Variants in RDX observed in about 807,000 individuals in gnomAD.
RDX encodes the protein radixin.
A neutral mutation model predicts 83.7 loss-of-function variants in RDX; 32 were observed. That is an observed-to-expected ratio of 0.38 (90% confidence interval 0.29 to 0.51). The LOEUF (loss-of-function observed/expected upper bound fraction) is 0.51. RDX is among the 20% of genes least tolerant of loss of function. The pLI is 0.87. For missense variants in RDX, 600 were observed against 689.9 expected, an observed-to-expected ratio of 0.87 and a Z score of 1.46; for synonymous variants, 229 against 222.7, an observed-to-expected ratio of 1.03 and a Z score of -0.25.
chr11:110,196,341 G>T (rs904737422), intron 15 of RDX, among the ~76,000 whole-genome samples: 1 of 152,188 alleles, frequency 6.6e-6, no homozygotes, highest in Non-Finnish European at 1.5e-5. Context: ...AAGGGGAATG[G>T]AATGCCAGTG....
At chr11:110,222,790 A>G (rs1297451746) in intron 14 of RDX, among the ~76,000 whole-genome samples, 1 of 151,954 alleles carries the variant, frequency 6.6e-6, no homozygotes, top group East Asian at 1.9e-4. Context: ...ACAGAGCCAG[A>G]CTCCCAACTC....
intron 8 of RDX, 24 bp downstream of exon 8, chr11:110,255,265 C>G: frequency 1.6e-6 from 2 of 1,238,052 alleles, no homozygotes; most frequent in Non-Finnish European, 2.4e-6. Context: ...AGTTAATACA[C>G]AAAATATTAA....
At chr11:110,193,427 T>C (rs1389141427) in intron 15 of RDX, among the ~76,000 whole-genome samples, 1 of 152,130 alleles carries the variant, frequency 6.6e-6, no homozygotes, top group Non-Finnish European at 1.5e-5. Context: ...GTATGCTCAC[T>C]ACCCGGGTGA....
At chr11:110,198,848 C>T (rs1863295422) in intron 15 of RDX, among the ~76,000 whole-genome samples, 1 of 150,808 alleles carries the variant, frequency 6.6e-6, no homozygotes, top group East Asian at 2.0e-4. Flanking sequence ...GACGGAGTCT[C>T]GCTGTCATCC....
intron 2 of RDX, among the ~76,000 whole-genome samples, chr11:110,277,204 A>G (rs78877811): frequency 0.03 from 4,574 of 152,308 alleles, 131 homozygotes; most frequent in East Asian, 0.075. Flanking sequence ...TATACTGGCA[A>G]AGAGTTTTCC....
chr11:110,179,104 G>T (rs1862832046), intron 15 of RDX, among the ~76,000 whole-genome samples: 1 of 152,188 alleles, frequency 6.6e-6, no homozygotes, highest in African/African-American at 2.4e-5. Context: ...TCAGCCAGGG[G>T]GAAGCTGCCG....
chr11:110,247,749 CATTAGCTCTTCCTTTTCACG>C lies in RDX; in HGVS notation c.1024_1043del (p.Arg342GlyfsTer7). ...GCTCTTCAATTTGTTTTAGACGTTC[CATTAGCTCTTCCTTTTCACG>C]TTCTATTCTTTCCTTTTCCTTTTCT... is the stretch of plus-strand genomic sequence containing the variant. On this transcript the variant is annotated frameshift_variant, in exon 10 of 14. Transcript: ENST00000645495. LOFTEE classifies it high-confidence loss of function. 6.2e-7 allele frequency: 1 copy of C among 1,612,036 alleles called. No individual in the cohort carries two copies. The highest frequency in any genetic ancestry group is 8.5e-7 in the Non-Finnish European group (1 of 1,179,326).
At chr11:110,175,570 G>T (rs1297942805) in intron 15 of RDX, among the ~76,000 whole-genome samples, 5 of 152,246 alleles carry the variant, frequency 3.3e-5, no homozygotes, top group Non-Finnish European at 7.3e-5. Flanking sequence ...CCAGAGGTCT[G>T]GGTGGGTGGG....
rs115151525 is a variant in RDX at position 110,183,562 on chromosome 11, G to A, written c.*32-8328C>T. Among the ~76,000 whole-genome samples the A allele has an allele frequency of 6.0e-3, 916 of 152,284 alleles. 10 individuals carry two copies. The highest frequency in any genetic ancestry group is 0.02 in the African/African-American group (823 of 41,560). Reference sequence around the variant, plus strand: ...AGGTCCCCAACTCCTAGTCTCAAGCGATCCTTCTGCCTCTGCCTCCCAAAG... The same window carrying A: ...AGGTCCCCAACTCCTAGTCTCAAGCAATCCTTCTGCCTCTGCCTCCCAAAG... On this transcript the variant is annotated intron_variant, in intron 15 of 15. Transcript: ENST00000528498.
chr11:110,296,440 G>A lies in RDX; in HGVS notation c.-65+27C>T, dbSNP rs1044063571. On this transcript the variant is annotated intron_variant, in intron 1 of 13. Transcript: ENST00000645495. ...TCCGGAGGAACCGGGAGCGGGGAGT[G>A]GGGGAAGGGAGGGCGCCGCGCCTTA... The A allele has an allele frequency of 1.5e-4, 22 of 151,528 alleles. 1 individual carries two copies. Among genetic ancestry groups the A allele is most frequent in the Admixed American group, 1.3e-3 (20 of 15,202 alleles). The allele number at this position is 151,528 out of a possible 1,614,324, so 9.4% of individuals were successfully genotyped here. A position where few individuals can be genotyped will look rare whatever the true frequency, so the allele number is the denominator to read the frequency against.
rs370290414 is a variant in RDX at position 110,248,280 on chromosome 11, T to C, written c.960-447A>G. Among the ~76,000 whole-genome samples the C allele has an allele frequency of 1.2e-4, 19 of 152,216 alleles. 1 individual carries two copies. In the East Asian group the frequency reaches 3.7e-3, roughly 29 times the overall value. Reference sequence around the variant, plus strand: ...TAGTATTCATGTGAAACCTAAGAACTGAATCAACTAAGAAGAAATGACAAC... The same window carrying C: ...TAGTATTCATGTGAAACCTAAGAACCGAATCAACTAAGAAGAAATGACAAC... On this transcript the variant is annotated intron_variant, in intron 9 of 13. Coordinates refer to ENST00000645495, the MANE Select transcript of RDX (RefSeq NM_002906.4).
At chr11:110,219,448 G>A (rs1014365801) in intron 14 of RDX, among the ~76,000 whole-genome samples, 11 of 152,220 alleles carry the variant, frequency 7.2e-5, no homozygotes, top group African/African-American at 2.2e-4. Flanking sequence ...CTTACCTGTT[G>A]TAAGATCTTA....
chr11:110,216,557 A>T (rs372771954), intron 14 of RDX, among the ~76,000 whole-genome samples: 7 of 111,414 alleles, frequency 6.3e-5, no homozygotes, highest in Admixed American at 1.8e-4. Context: ...TTTTTTTTTT[A>T]AATAGAGAGG....
rs1591177437 is a variant in RDX at position 110,275,662 on chromosome 11, T to C, written c.13-3043A>G. 2.0e-5 allele frequency among the ~76,000 whole-genome samples: 3 copies of C among 152,270 alleles called. No individual in the cohort carries two copies. In the East Asian group the frequency reaches 5.8e-4, roughly 29 times the overall value. ...GTCAGTTATTTCTTACAAAAGAACC[T>C]CCCATATTGTGGTTCGTCATTTTAC... On this transcript the variant is annotated intron_variant, in intron 2 of 13. Transcript: ENST00000645495.
rs1297188705 is a variant in RDX, at chr11:110,177,771, A to G, written c.*32-2537T>C. Among the ~76,000 whole-genome samples, 3 of 151,700 alleles carry G rather than the reference A, an allele frequency of 2.0e-5. No individual in the cohort carries two copies. The East Asian group carries it at 5.8e-4, about 29-fold the overall frequency. On this transcript the variant is annotated intron_variant, in intron 15 of 15. Coordinates refer to the RDX transcript ENST00000528498. ...AGTGCTGGGATTACAGGCATGAGAC[A>G]CCGCATCCGGCCTGGGAGCTCTTGT... is the stretch of plus-strand genomic sequence containing the variant.
Position 110,286,435 on chromosome 11 carries a change from C to T in RDX, c.-64-6679G>A, listed in dbSNP as rs991745255. Among the ~76,000 whole-genome samples, 10 of 152,300 alleles carry T rather than the reference C, an allele frequency of 6.6e-5. No individual in the cohort carries two copies. In the Middle Eastern group the frequency reaches 0.01, roughly 155 times the overall value. On this transcript the variant is annotated intron_variant, in intron 1 of 13. Transcript: ENST00000645495. ...AGGGTAACCCTCAGTCTCCTTTCTA[C>T]CTAATGCAATGGAAAAATAGCCTCA...
At chr11:110,180,728 G>C (rs1048209007) in intron 15 of RDX, among the ~76,000 whole-genome samples, 4 of 150,644 alleles carry the variant, frequency 2.7e-5, no homozygotes, top group African/African-American at 9.8e-5. Context: ...TCGGCTAACT[G>C]CAACCTCCAC....
chr11:110,251,072 GCTCT>G (rs1859319080), intron 9 of RDX, among the ~76,000 whole-genome samples: 1 of 152,034 alleles, frequency 6.6e-6, no homozygotes, highest in African/African-American at 2.4e-5. Context: ...CGTATCTCTT[GCTCT>G]CTCTAACCTT....
chr11:110,207,517 G>A (rs1238124714), intron 14 of RDX, among the ~76,000 whole-genome samples: 2 of 152,186 alleles, frequency 1.3e-5, no homozygotes, highest in East Asian at 1.9e-4. Flanking sequence ...TGGCCCTTAG[G>A]AGAACATTAG....
Sources: gnomAD v4.1 joint callset for allele counts (sites outside exome capture counted in the v4.1 genomes callset) on GRCh38, gnomAD v4.1.1 for gene constraint, MANE v1.5 for transcripts, NCBI Gene and HGNC (gene_info 2026-07-23, HGNC 2026-07-21) for gene names.